CALU: variants seen among roughly 807,000 people sequenced by gnomAD.
CALU encodes calumenin.
CALU carries 13 observed loss-of-function variants against 37.5 expected under a neutral mutation model. The observed-to-expected ratio is 0.35, with a 90% confidence interval of 0.23 to 0.55. The LOEUF is 0.55. CALU is among the 20% of genes least tolerant of loss of function. The pLI, the probability that CALU is intolerant of heterozygous loss-of-function variation, is 0.89. For missense variants in CALU, 282 were observed against 391.7 expected (o/e 0.72, Z 2.36); for synonymous variants, 114 against 133.8 (o/e 0.85, Z 1.02).
At chr7:128,742,090 C>T (rs915315657) in intron 1 of CALU, among the ~76,000 whole-genome samples, 17 of 152,064 alleles carry the variant, frequency 1.1e-4, no homozygotes, top group African/African-American at 2.9e-4. Context: ...ACTAGAGAGA[C>T]GTTAAATAAA....
At chr7:128,763,939 G>T (rs769100468) in intron 5 of CALU, among the ~76,000 whole-genome samples, 1 of 152,206 alleles carries the variant, frequency 6.6e-6, no homozygotes, top group Non-Finnish European at 1.5e-5. Context: ...GAACTATTTA[G>T]ATTTCTCTTT....
At chr7:128,752,444 T>G (rs936056790) in intron 2 of CALU, among the ~76,000 whole-genome samples, 2 of 152,182 alleles carry the variant, frequency 1.3e-5, no homozygotes, top group Non-Finnish European at 2.9e-5. Flanking sequence ...TAAAAATACC[T>G]TTTGGGGGTA....
At chr7:128,739,883 C>A (rs1800165093) in intron 1 of CALU, among the ~76,000 whole-genome samples, 1 of 152,150 alleles carries the variant, frequency 6.6e-6, no homozygotes, top group Admixed American at 6.5e-5. Context: ...AAGGCCACAT[C>A]CCGACAGTAG....
intron 2 of CALU, among the ~76,000 whole-genome samples, chr7:128,752,412 C>G (rs112618312): frequency 1.3e-3 from 191 of 152,272 alleles, no homozygotes; most frequent in African/African-American, 4.0e-3. Context: ...CGATCCTTCT[C>G]TTCAGGCTAT....
At chr7:128,753,506 T>C (rs1451024953) in intron 2 of CALU, among the ~76,000 whole-genome samples, 2 of 152,272 alleles carry the variant, frequency 1.3e-5, no homozygotes, top group Non-Finnish European at 2.9e-5. Context: ...GTGGTTTTGC[T>C]TTATAATCTA....
intron 1 of CALU, chr7:128,748,195 C>G (rs1800520004): frequency 1.8e-6 from 1 of 558,624 alleles, no homozygotes; most frequent in Non-Finnish European, 3.1e-6. Context: ...CCAATGCGTA[C>G]AAGAAGTAAA....
chr7:128,768,479 T>C (rs1206917583), intron 6 of CALU, among the ~76,000 whole-genome samples: 4 of 152,200 alleles, frequency 2.6e-5, no homozygotes, highest in Non-Finnish European at 5.9e-5. Flanking sequence ...CAAACCTTTA[T>C]CTCTAGCATT....
intron 3 of CALU, among the ~76,000 whole-genome samples, chr7:128,757,762 T>C (rs1800945993): frequency 6.6e-6 from 1 of 152,202 alleles, no homozygotes; most frequent in African/African-American, 2.4e-5. Flanking sequence ...AGAATTTTAT[T>C]TTCTGCAGTT....
In CALU at chr7:128,767,558, T is replaced by A; in HGVS notation, c.746T>A (p.Met249Lys). Residue 249 changes from methionine (M) to lysine (K), a missense_variant, in exon 6 of 7, where the codon ATG becomes AAG. Transcript: ENST00000249364. The stretch of plus-strand genomic sequence containing the variant: ...CGGGATAAGAACCGTGATGGGAAGA[T>A]GGACAAGGAAGAGACCAAAGACTGG... ...EFRDKNRDGK[M>K]DKEETKDWIL... The A allele has an allele frequency of 6.2e-7, 1 of 1,614,068 alleles. No individual in the cohort carries two copies. Among genetic ancestry groups the A allele is most frequent in the Non-Finnish European group, 8.5e-7 (1 of 1,179,960 alleles).
Position 128,758,917 on chromosome 7 carries a change from T to A in CALU, c.462T>A (p.Val154=), listed in dbSNP as rs760133845. 4.3e-6 allele frequency: 7 copies of A among 1,613,866 alleles called. No individual in the cohort carries two copies. The highest frequency in any genetic ancestry group is 1.3e-5 in the African/African-American group (1 of 74,920). ...DDGFNYKQMM[V]RDERRFKMAD... ...GATTTAACTATAAACAGATGATGGTTAGAGATGAGCGGAGGTTTAAAATGG... is the reference window on the plus strand; with the variant it reads ...GATTTAACTATAAACAGATGATGGTAAGAGATGAGCGGAGGTTTAAAATGG... Residue 154 remains valine (V), a synonymous_variant, in exon 4 of 7, where the codon GTT becomes GTA. Transcript: ENST00000249364.
rs78116671 is a variant in CALU at position 128,754,916 on chromosome 7, T to C, written c.415+461T>C. ...ATTTTTGTTTTCTGAAGTCTGGAAG[T>C]CTGGTATCTTCTACATTTTTAGCAT... On this transcript the variant is annotated intron_variant, in intron 3 of 6. Transcript: ENST00000249364. Among the ~76,000 whole-genome samples the C allele has an allele frequency of 1.3e-3, 202 of 152,310 alleles. 1 individual carries two copies. The highest frequency in any genetic ancestry group is 4.5e-3 in the African/African-American group (189 of 41,556).
At chr7:128,768,707 G>A (rs943619417) in intron 6 of CALU, among the ~76,000 whole-genome samples, 2 of 151,978 alleles carry the variant, frequency 1.3e-5, no homozygotes, top group African/African-American at 2.4e-5. Flanking sequence ...GCGTGGTGGC[G>A]CATGCCTGTA....
At chr7:128,768,853 A>AAAAAAAAAAAAAAC (rs1801437943) in intron 6 of CALU, among the ~76,000 whole-genome samples, 3 of 148,660 alleles carry the variant, frequency 2.0e-5, no homozygotes, top group Non-Finnish European at 4.5e-5. Context: ...GTCTCAAAAA[A>AAAAAAAAAAAAAAC]AAAAAAAAAA....
chr7:128,746,452 C>T (rs1328182818), intron 1 of CALU, among the ~76,000 whole-genome samples: 1 of 152,042 alleles, frequency 6.6e-6, no homozygotes, highest in Non-Finnish European at 1.5e-5. Flanking sequence ...GCCACCATGC[C>T]TGGCTGCTTT....
chr7:128,768,289 T>A (rs1801408807), intron 6 of CALU, among the ~76,000 whole-genome samples: 1 of 152,190 alleles, frequency 6.6e-6, no homozygotes, highest in African/African-American at 2.4e-5. Context: ...CAATTTCAAA[T>A]TCAGTTTTTT....
intron 3 of CALU, among the ~76,000 whole-genome samples, chr7:128,755,417 A>G (rs1800844298): frequency 6.6e-6 from 1 of 151,722 alleles, no homozygotes; most frequent in Admixed American, 6.6e-5. Flanking sequence ...AAAGTGTTGG[A>G]CCTAAAATTC....
chr7:128,750,420 C>T (rs1052664763), intron 2 of CALU, among the ~76,000 whole-genome samples: 2 of 151,998 alleles, frequency 1.3e-5, no homozygotes, highest in African/African-American at 2.4e-5. Flanking sequence ...TGTTCTGGCT[C>T]CTTGCAGGTA....
intron 2 of CALU, among the ~76,000 whole-genome samples, chr7:128,750,922 G>A (rs1800647299): frequency 6.6e-6 from 1 of 152,104 alleles, no homozygotes; most frequent in African/African-American, 2.4e-5. Flanking sequence ...TTCTTATTAA[G>A]AATGTTGACA....
chr7:128,759,889 TGAGA>T, intron 5 of CALU, 37 bp downstream of exon 5: 2 of 1,061,774 alleles, frequency 1.9e-6, no homozygotes, highest in Non-Finnish European at 2.9e-6. Context: ...TTAGAAAAGC[TGAGA>T]AGCTTTGAAA....
Sources: gnomAD v4.1 joint callset for allele counts (sites outside exome capture counted in the v4.1 genomes callset) on GRCh38, gnomAD v4.1.1 for gene constraint, MANE v1.5 for transcripts, NCBI Gene and HGNC (gene_info 2026-07-23, HGNC 2026-07-21) for gene names.